The following SLC35G1 variants were observed in gnomAD, a reference collection of about 807,000 sequenced individuals.
SLC35G1 encodes solute carrier family 35 member G1, also known as partner of STIM1.
A neutral mutation model predicts 17.1 loss-of-function variants in SLC35G1; 10 were observed. The observed-to-expected ratio is 0.59, with a 90% CI of 0.36 to 0.99. The LOEUF (loss-of-function observed/expected upper bound fraction) is 0.99. SLC35G1 is among the 50% of genes least tolerant of loss of function. The pLI, the probability that SLC35G1 is intolerant of heterozygous loss-of-function variation, is 0.01. For missense variants in SLC35G1, 433 were observed against 468.4 expected (o/e 0.92, Z 0.70); for synonymous variants, 185 against 181.1 (o/e 1.02, Z -0.18).
intron 2 of SLC35G1, 151 bp downstream of exon 2, chr10:93,898,902 C>T: frequency 1.4e-6 from 1 of 737,548 alleles, no homozygotes; most frequent in Non-Finnish European, 2.0e-6. Flanking sequence ...TCATAAGCAT[C>T]TACCCACAGA....
chr10:93,907,346 C>T (rs2060435337), downstream of SLC35G1: 1 of 152,134 alleles, frequency 6.6e-6, no homozygotes, highest in Admixed American at 6.5e-5. Flanking sequence ...GGTACAACTT[C>T]TAGGAAGGGC....
chr10:93,905,588 G>A (rs767169771), downstream of SLC35G1, among the ~76,000 whole-genome samples: 17 of 152,132 alleles, frequency 1.1e-4, no homozygotes, highest in Non-Finnish European at 2.1e-4. Flanking sequence ...ATTCAGGGGT[G>A]GGCTTTATAG....
chr10:93,904,612 T>G (rs960976795), downstream of SLC35G1, among the ~76,000 whole-genome samples: 5 of 152,232 alleles, frequency 3.3e-5, no homozygotes, highest in African/African-American at 4.8e-5. Flanking sequence ...GGACTCTAGC[T>G]TCTCCTACCC....
intron 1 of SLC35G1, among the ~76,000 whole-genome samples, chr10:93,897,510 C>T (rs569011199): frequency 6.6e-6 from 1 of 152,312 alleles, no homozygotes; most frequent in African/African-American, 2.4e-5. Context: ...CCTTCTTACC[C>T]TCAACCCTGT....
rs2060386623 is a variant in SLC35G1, at chr10:93,901,686, T to C, written c.*196T>C. 3 of 515,734 alleles carry C rather than the reference T, an allele frequency of 5.8e-6. No homozygotes were observed. In the African/African-American group the frequency reaches 6.2e-5, roughly 11 times the overall value. 31.9% of individuals were successfully genotyped at this position (515,734 alleles called of 1,614,324 possible). ...TTTGGTGTAACAATTTTTTGGTAGC[T>C]TTGGTTTTGGTTTTGGTTTTTTTTG... On this transcript the variant is annotated 3_prime_UTR_variant, in exon 3 of 3. Coordinates refer to ENST00000427197, the MANE Select transcript of SLC35G1 (RefSeq NM_001134658.3).
In SLC35G1 at chr10:93,898,216, C is replaced by G. The variant is rs145904277; in HGVS notation, c.179-355C>G. 4.4e-3 allele frequency among the ~76,000 whole-genome samples: 677 copies of G among 152,292 alleles called. 8 individuals are homozygous for G. The highest frequency in any genetic ancestry group is 0.015 in the African/African-American group (640 of 41,566). On this transcript the variant is annotated intron_variant, in intron 1 of 2. Transcript: ENST00000427197. ...CAGTGAGGTGTGGCGTAAGATATCA[C>G]TTGGAAGGATTTTTTACTTGCCATC...
downstream of SLC35G1, chr10:93,906,976 T>C (rs1189865165): frequency 1.3e-5 from 2 of 152,196 alleles, no homozygotes; most frequent in Non-Finnish European, 2.9e-5. Context: ...ACAGCTATTA[T>C]CTATCAAGCC....
rs1203165594 is a variant in SLC35G1 at position 93,894,057 on chromosome 10, G to T, written c.24G>T (p.Gly8=). 17 of 1,482,082 alleles carry T rather than the reference G, an allele frequency of 1.1e-5. No individual in the cohort carries two copies. The East Asian group carries it at 4.7e-4, about 41-fold the overall frequency. The allele number at this position is 1,482,082 out of a possible 1,614,324, so 91.8% of individuals were successfully genotyped here. The part of the protein sequence containing the change: MRPQDST[G]VAELQEPGLP... ...AGATGCGGCCTCAGGACAGCACCGG[G>T]GTCGCGGAGCTCCAGGAGCCCGGGC... The change falls in exon 1 of 3, where the codon GGG becomes GGT. Residue 8 remains glycine, a synonymous_variant. Transcript: ENST00000427197.
At chr10:93,895,407 A>C (rs896169759) in intron 1 of SLC35G1, among the ~76,000 whole-genome samples, 15 of 152,216 alleles carry the variant, frequency 9.9e-5, no homozygotes, top group Non-Finnish European at 2.9e-5. Flanking sequence ...TTTCTCACCT[A>C]TCACCCTCTG....
At chr10:93,894,758 A>G (rs2060314526) in intron 1 of SLC35G1, among the ~76,000 whole-genome samples, 1 of 152,222 alleles carries the variant, frequency 6.6e-6, no homozygotes. Flanking sequence ...CAAACGATGC[A>G]GAACAAGGCA....
At position 93,900,726 on chromosome 10, in the gene SLC35G1, A is replaced by G. The variant is rs771661223; in HGVS notation, c.360-26A>G. 4.0e-6 allele frequency: 6 copies of G among 1,506,192 alleles called. No individual in the cohort carries two copies. The African/African-American group carries it at 7.0e-5, about 17-fold the overall frequency. The allele number at this position is 1,506,192 out of a possible 1,614,324, so 93.3% of individuals were successfully genotyped here. On this transcript the variant is annotated intron_variant, in intron 2 of 2. Coordinates refer to ENST00000427197, the MANE Select transcript of SLC35G1 (RefSeq NM_001134658.3). ...AAAACAAATATTAATTTCATTTAAT[A>G]TGCATTTCTTCATTTGAATTTACAG...
chr10:93,904,652 G>A (rs913784240), downstream of SLC35G1, among the ~76,000 whole-genome samples: 7 of 152,214 alleles, frequency 4.6e-5, no homozygotes, highest in African/African-American at 1.7e-4. Flanking sequence ...AGTGGGTAAA[G>A]CACTGGATTG....
At chr10:93,904,943 C>T (rs1375422067), downstream of SLC35G1, among the ~76,000 whole-genome samples, 1 of 152,200 alleles carries the variant, frequency 6.6e-6, no homozygotes, top group Admixed American at 6.5e-5. Flanking sequence ...AATGCAAACT[C>T]CATTCGGCCC....
At chr10:93,906,730 TAATAA>T (rs2060431645), downstream of SLC35G1, among the ~76,000 whole-genome samples, 1 of 152,166 alleles carries the variant, frequency 6.6e-6, no homozygotes, top group South Asian at 2.1e-4. Flanking sequence ...GGGATAAGAA[TAATAA>T]AATATAATAA....
Position 93,903,441 on chromosome 10 carries a change from CAG to C in SLC35G1, c.*1952_*1953del, listed in dbSNP as rs2060408535. The C allele has an allele frequency of 6.6e-6, 1 of 152,162 alleles. No individual in the cohort carries two copies. The highest frequency in any genetic ancestry group is 2.4e-5 in the African/African-American group (1 of 41,436). The allele number at this position is 152,162 out of a possible 1,614,324, so 9.4% of individuals were successfully genotyped here. ...CCTTAGTTCCATGATAAAGTATGGA[CAG>C]TAAACCACTACTTGAGCTACCTAAG... On this transcript the variant is annotated 3_prime_UTR_variant, in exon 3 of 3. Transcript: ENST00000427197.
chr10:93,894,759 GAACA>G (rs1356505492), intron 1 of SLC35G1, among the ~76,000 whole-genome samples: 1 of 152,214 alleles, frequency 6.6e-6, no homozygotes, highest in Non-Finnish European at 1.5e-5. Flanking sequence ...AAACGATGCA[GAACA>G]AGGCATATCT....
intron 2 of SLC35G1, among the ~76,000 whole-genome samples, chr10:93,899,721 G>T (rs1179340385): frequency 6.6e-6 from 1 of 152,182 alleles, no homozygotes; most frequent in Non-Finnish European, 1.5e-5. Context: ...TTCTGTCAAT[G>T]CGGACAAGTC....
intron 2 of SLC35G1, among the ~76,000 whole-genome samples, chr10:93,899,773 A>G (rs2060365223): frequency 6.6e-6 from 1 of 152,206 alleles, no homozygotes; most frequent in South Asian, 2.1e-4. Flanking sequence ...AGAAATTTCT[A>G]AGGGTAGCAG....
At chr10:93,908,721 T>C (rs2060442286), downstream of SLC35G1, 1 of 152,154 alleles carries the variant, frequency 6.6e-6, no homozygotes, top group African/African-American at 2.4e-5. Context: ...TGGTCATAAC[T>C]GGAAGCAAAC....
Sources: allele counts gnomAD v4.1 joint callset (sites outside exome capture counted in the v4.1 genomes callset), GRCh38; gene constraint gnomAD v4.1.1; transcripts MANE v1.5; gene names NCBI Gene and HGNC (gene_info 2026-07-23, HGNC 2026-07-21).